CDH4: variants seen among roughly 807,000 people sequenced by gnomAD.
The protein encoded by CDH4 is cadherin-4.
A neutral mutation model predicts 86.0 loss-of-function variants in CDH4; 33 were observed. That is an observed-to-expected ratio of 0.38 (90% CI 0.29 to 0.51). The LOEUF (loss-of-function observed/expected upper bound fraction) is 0.51, where lower values mean the gene tolerates loss of function less well. Ranked by LOEUF, CDH4 falls within the 20% of genes least tolerant of loss-of-function variation. CDH4 has a pLI of 0.86. For missense variants in CDH4, 1,114 were observed against 1,307.4 expected (o/e 0.85, Z 2.28); for synonymous variants, 555 against 549.4 (o/e 1.01, Z -0.14).
At chr20:61,750,629 A>G (rs1644813742) in intron 3 of CDH4, among the ~76,000 whole-genome samples, 1 of 152,358 alleles carries the variant, frequency 6.6e-6, no homozygotes, top group East Asian at 1.9e-4. Flanking sequence ...TATAGGGAGG[A>G]TACACACACT....
chr20:61,669,818 A>G (rs1198274396), intron 2 of CDH4, among the ~76,000 whole-genome samples: 3 of 152,186 alleles, frequency 2.0e-5, no homozygotes, highest in Non-Finnish European at 2.9e-5. Context: ...CCAGGATGGG[A>G]TGTGACATTT....
At chr20:61,789,814 G>A (rs574494314) in intron 4 of CDH4, among the ~76,000 whole-genome samples, 10 of 152,278 alleles carry the variant, frequency 6.6e-5, no homozygotes, top group East Asian at 3.9e-4. Flanking sequence ...TGTCCTATGC[G>A]ATCAATTGGG....
intron 2 of CDH4, among the ~76,000 whole-genome samples, chr20:61,729,495 T>C (rs2088153211): frequency 6.6e-6 from 1 of 152,210 alleles, no homozygotes; most frequent in African/African-American, 2.4e-5. Flanking sequence ...TTCCTCTCTT[T>C]ATATAGGCTC....
At chr20:61,737,996 G>A (rs1157726287) in intron 2 of CDH4, among the ~76,000 whole-genome samples, 1 of 152,196 alleles carries the variant, frequency 6.6e-6, no homozygotes, top group Non-Finnish European at 1.5e-5. Flanking sequence ...GCATGCAGCG[G>A]GTGCTGGGAC....
intron 6 of CDH4, among the ~76,000 whole-genome samples, chr20:61,866,321 CGATTTTTTCCTTAG>C (rs1282282744): frequency 6.6e-6 from 1 of 152,132 alleles, no homozygotes; most frequent in Admixed American, 6.5e-5. Context: ...TCCACACCTG[CGATTTTTTCCTTAG>C]GATAAACTCC....
intron 2 of CDH4, among the ~76,000 whole-genome samples, chr20:61,429,593 GGATA>G (rs1258178701): frequency 6.6e-6 from 1 of 151,542 alleles, no homozygotes; most frequent in African/African-American, 2.4e-5. Flanking sequence ...GTGGGTGGGT[GGATA>G]GATGGATGGA....
chr20:61,392,709 G>A lies in CDH4; in HGVS notation c.169+137772G>A, dbSNP rs1407331726. Reference sequence around the variant, plus strand: ...CTTCTGATTCAAAAGACATTTTCCCGTGCTGTTAAATTTGAACCTTGGACT... The same window carrying A: ...CTTCTGATTCAAAAGACATTTTCCCATGCTGTTAAATTTGAACCTTGGACT... On this transcript the variant is annotated intron_variant, in intron 2 of 15. Transcript: ENST00000614565. This position sits in a 1 kb window ranked among gnomAD's most constrained non-coding sequence, Gnocchi z 5.7. Among the ~76,000 whole-genome samples the A allele has an allele frequency of 1.3e-5, 2 of 152,118 alleles. No homozygotes were observed. The highest frequency in any genetic ancestry group is 6.5e-5 in the Admixed American group (1 of 15,272).
At chr20:61,281,263 G>A (rs1182885051) in intron 2 of CDH4, among the ~76,000 whole-genome samples, 1 of 152,174 alleles carries the variant, frequency 6.6e-6, no homozygotes, top group Non-Finnish European at 1.5e-5. Flanking sequence ...CAAGCTGATG[G>A]TGTTAGCAGG....
intron 2 of CDH4, among the ~76,000 whole-genome samples, chr20:61,490,372 C>G (rs2085619186): frequency 6.6e-6 from 1 of 152,190 alleles, no homozygotes; most frequent in Non-Finnish European, 1.5e-5. Flanking sequence ...CTTATAGGCA[C>G]CTCTGGAAGA....
intron 7 of CDH4, among the ~76,000 whole-genome samples, chr20:61,884,903 G>A (rs1162863385): frequency 6.6e-6 from 1 of 152,146 alleles, no homozygotes; most frequent in East Asian, 1.9e-4. Flanking sequence ...ACACCGGCTG[G>A]AGCCCCGGGC....
chr20:61,684,595 G>A lies in CDH4; in HGVS notation c.170-58968G>A, dbSNP rs974804552. On this transcript the variant is annotated intron_variant, in intron 2 of 15. Transcript: ENST00000614565. The surrounding 1 kb of genome is among the most constrained non-coding windows in gnomAD (Gnocchi z 4.5). The stretch of plus-strand genomic sequence containing the variant: ...TGGGCTCCGTCCTGGGGGCTGAAAG[G>A]CTCCTGGGGGTTCAGTCTCTAACCT... Among the ~76,000 whole-genome samples the A allele has an allele frequency of 3.3e-5, 5 of 152,188 alleles. No individual in the cohort carries two copies. Among genetic ancestry groups the A allele is most frequent in the Admixed American group, 6.5e-5 (1 of 15,288 alleles).
chr20:61,319,719 A>G (rs187449753), intron 2 of CDH4, among the ~76,000 whole-genome samples: 1 of 151,940 alleles, frequency 6.6e-6, no homozygotes, highest in Admixed American at 6.6e-5. Flanking sequence ...GTGGAGGTGG[A>G]TGGATCACTT....
intron 2 of CDH4, among the ~76,000 whole-genome samples, chr20:61,331,354 G>T (rs1301659013): frequency 1.3e-5 from 2 of 152,002 alleles, no homozygotes; most frequent in Admixed American, 1.3e-4. Flanking sequence ...CCATGTCACT[G>T]CCCTGTTCAT....
At chr20:61,878,298 A>G (rs1453741964) in intron 7 of CDH4, among the ~76,000 whole-genome samples, 2 of 152,070 alleles carry the variant, frequency 1.3e-5, no homozygotes, top group Admixed American at 6.5e-5. Context: ...CCCAGGTTCA[A>G]TGCAGCCCCC....
At chr20:61,383,114 AGAATATATATGAATATATTATATATAT>A (rs1208753218) in intron 2 of CDH4, among the ~76,000 whole-genome samples, 2,178 of 80,382 alleles carry the variant, frequency 0.027, 208 homozygotes, top group Middle Eastern at 0.055. Flanking sequence ...TATTATATAT[AGAATATATATGAATATATTATATATAT>A]GAATATATAT....
rs1038135554 is a variant in CDH4, at chr20:61,588,107, C to A, written c.170-155456C>A. 3.9e-5 allele frequency among the ~76,000 whole-genome samples: 6 copies of A among 152,208 alleles called. No individual in the cohort carries two copies. In the East Asian group the frequency reaches 1.2e-3, roughly 29 times the overall value. ...CTTCGAGGGCCTTCCGAGAAGCCAG[C>A]GTGCAGAGACTTAGCCAAGCGCTTA... On this transcript the variant is annotated intron_variant, in intron 2 of 15. Coordinates refer to ENST00000614565, the MANE Select transcript of CDH4 (RefSeq NM_001794.5).
At chr20:61,436,969 A>C (rs1324315896) in intron 2 of CDH4, 1 of 152,400 alleles carries the variant, frequency 6.6e-6, no homozygotes, top group Non-Finnish European at 1.5e-5. Context: ...CAGAAAGGCA[A>C]GGCCTGGCCT....
At chr20:61,884,048 G>A (rs762885044) in intron 7 of CDH4, among the ~76,000 whole-genome samples, 15 of 148,950 alleles carry the variant, frequency 1.0e-4, no homozygotes, top group Non-Finnish European at 2.1e-4. Context: ...CTGGAACTGG[G>A]ACTCGCTGCC....
intron 2 of CDH4, among the ~76,000 whole-genome samples, chr20:61,616,971 G>A (rs987619850): frequency 9.9e-5 from 15 of 152,172 alleles, no homozygotes; most frequent in Admixed American, 8.5e-4. Flanking sequence ...CTGTGCGAAG[G>A]TGTCTCAGTG....
Sources: allele counts gnomAD v4.1 joint callset (sites outside exome capture counted in the v4.1 genomes callset), GRCh38; gene constraint gnomAD v4.1.1; non-coding constraint Gnocchi (gnomAD v3.1); transcripts MANE v1.5; gene names NCBI Gene and HGNC (gene_info 2026-07-23, HGNC 2026-07-21).